Variants in AOPEP observed in about 807,000 individuals in gnomAD.
The protein encoded by AOPEP is aminopeptidase O.
AOPEP carries 77 observed loss-of-function variants against 98.1 expected under a neutral mutation model. The observed-to-expected ratio is 0.78, with a 90% CI of 0.65 to 0.95. AOPEP has a LOEUF of 0.95. Ranked by LOEUF, AOPEP falls within the 40% of genes least tolerant of loss-of-function variation. The pLI is 0.00. For synonymous variants in AOPEP, 346 were observed against 365.3 expected (o/e 0.95, Z 0.60); for missense variants, 1,024 against 1,024.7 (o/e 1.00, Z 0.01).
chr9:94,818,611 A>G (rs544147962), intron 5 of AOPEP, among the ~76,000 whole-genome samples: 4 of 152,340 alleles, frequency 2.6e-5, no homozygotes, highest in East Asian at 1.9e-4. Context: ...TCCCCCCAAA[A>G]AGAAGGGTAA....
intron 13 of AOPEP, among the ~76,000 whole-genome samples, chr9:95,007,728 C>T (rs1306978790): frequency 1.3e-5 from 2 of 152,128 alleles, no homozygotes; most frequent in Non-Finnish European, 2.9e-5. Flanking sequence ...CTTCCAAGCC[C>T]TTTTGCTCAC....
intron 5 of AOPEP, among the ~76,000 whole-genome samples, chr9:94,834,500 T>G (rs2041304410): frequency 1.3e-5 from 2 of 152,012 alleles, no homozygotes; most frequent in Non-Finnish European, 2.9e-5. Context: ...TAAAAAAGAG[T>G]CTTTGTTTAA....
intron 5 of AOPEP, among the ~76,000 whole-genome samples, chr9:94,834,338 C>T (rs573425872): frequency 1.3e-5 from 2 of 152,272 alleles, no homozygotes; most frequent in African/African-American, 4.8e-5. Flanking sequence ...CCAATTACAG[C>T]GTGTGGGCCT....
intron 7 of AOPEP, among the ~76,000 whole-genome samples, chr9:94,937,116 G>A (rs2056385599): frequency 6.6e-6 from 1 of 152,186 alleles, no homozygotes; most frequent in Non-Finnish European, 1.5e-5. Context: ...CCGGAGATTG[G>A]GGGGCGGGGC....
At chr9:95,085,854 G>A (rs1587985294) in intron 16 of AOPEP, 10 of 1,150,760 alleles carry the variant, frequency 8.7e-6, no homozygotes, top group East Asian at 6.0e-5. Context: ...GCTCATGGCT[G>A]TGAGCGGGGC....
At chr9:94,764,900 G>A (rs989247293) in intron 2 of AOPEP, among the ~76,000 whole-genome samples, 1 of 151,982 alleles carries the variant, frequency 6.6e-6, no homozygotes, top group Admixed American at 6.6e-5. Context: ...ATAAGACAGG[G>A]TCTCACTCTG....
At chr9:94,973,903 G>A (rs951856546) in intron 10 of AOPEP, among the ~76,000 whole-genome samples, 6 of 152,168 alleles carry the variant, frequency 3.9e-5, no homozygotes, top group African/African-American at 9.7e-5. Flanking sequence ...AAAATTCACC[G>A]TTGGCTTGGA....
intron 13 of AOPEP, among the ~76,000 whole-genome samples, chr9:95,017,866 A>G (rs1316833847): frequency 6.6e-6 from 1 of 152,206 alleles, no homozygotes; most frequent in Non-Finnish European, 1.5e-5. Flanking sequence ...TACCTTTTCT[A>G]GAAATTTCAT....
intron 3 of AOPEP, among the ~76,000 whole-genome samples, chr9:94,783,523 T>A (rs545120419): frequency 2.6e-5 from 4 of 152,222 alleles, no homozygotes; most frequent in Admixed American, 1.3e-4. Context: ...TGGCACTCAC[T>A]TAGAAAACTG....
chr9:94,803,625 A>T (rs1344832092), intron 5 of AOPEP, among the ~76,000 whole-genome samples: 1 of 152,236 alleles, frequency 6.6e-6, no homozygotes, highest in African/African-American at 2.4e-5. Context: ...TAAATAATAC[A>T]CAAATAATAT....
intron 2 of AOPEP, chr9:94,763,343 G>A (rs1167168071): frequency 4.2e-6 from 1 of 236,382 alleles, no homozygotes; most frequent in African/African-American, 2.3e-5. Context: ...TTTCTTTTAA[G>A]TTCCATTAGT....
intron 9 of AOPEP, among the ~76,000 whole-genome samples, chr9:94,957,576 A>G (rs573717801): frequency 1.0e-3 from 159 of 152,246 alleles, no homozygotes; most frequent in Non-Finnish European, 1.8e-3. Context: ...TTCACATACC[A>G]TAAAGTTAAC....
At chr9:94,866,387 C>T (rs1016168737) in intron 5 of AOPEP, among the ~76,000 whole-genome samples, 8 of 152,182 alleles carry the variant, frequency 5.3e-5, no homozygotes, top group Admixed American at 5.2e-4. Context: ...AACTCTCATG[C>T]ACAAAGGAAA....
At chr9:94,853,743 A>T (rs1263468942) in intron 5 of AOPEP, among the ~76,000 whole-genome samples, 1 of 152,248 alleles carries the variant, frequency 6.6e-6, no homozygotes, top group African/African-American at 2.4e-5. Flanking sequence ...TACAAGTCGC[A>T]CTACTATTGG....
chr9:95,146,487 C>CA, the AOPEP span, among the ~76,000 whole-genome samples: 967 of 45,500 alleles, frequency 0.021, 119 homozygotes, highest in African/African-American at 0.079. Flanking sequence ...GACCCCATCT[C>CA]AAAAAAAAAA....
At chr9:94,903,087 TCTC>T (rs1177007256) in intron 5 of AOPEP, among the ~76,000 whole-genome samples, 2 of 151,364 alleles carry the variant, frequency 1.3e-5, no homozygotes, top group Non-Finnish European at 2.9e-5. Flanking sequence ...TTCAAGCACT[TCTC>T]CTGCCTCAGC....
chr9:95,029,190 A>G (rs1365707359), intron 13 of AOPEP, among the ~76,000 whole-genome samples: 4 of 152,176 alleles, frequency 2.6e-5, no homozygotes, highest in Non-Finnish European at 5.9e-5. Context: ...TCTTGGGGAA[A>G]CTGGGGGTGC....
chr9:94,893,786 A>G (rs1029325697), intron 5 of AOPEP, among the ~76,000 whole-genome samples: 1 of 152,210 alleles, frequency 6.6e-6, no homozygotes, highest in Admixed American at 6.5e-5. Context: ...GAAACCAATA[A>G]TACAGAAATA....
rs886692910 is a variant in AOPEP, at chr9:94,930,641, A to G, written c.1661+2110A>G. Among the ~76,000 whole-genome samples the G allele has an allele frequency of 2.0e-5, 3 of 152,044 alleles. No individual in the cohort carries two copies. Among genetic ancestry groups the G allele is most frequent in the African/African-American group, 7.2e-5 (3 of 41,392 alleles). On this transcript the variant is annotated intron_variant, in intron 7 of 16. Transcript: ENST00000375315. This position sits in a 1 kb window ranked among gnomAD's most constrained non-coding sequence, Gnocchi z 4.5. Reference sequence around the variant, plus strand: ...AGAGAAAACCAGGGCACTAGGGGCCATGGAAGCCAGAAAAGAAGCTGAGGC... The same window carrying G: ...AGAGAAAACCAGGGCACTAGGGGCCGTGGAAGCCAGAAAAGAAGCTGAGGC...
Sources: gnomAD v4.1 joint callset for allele counts (sites outside exome capture counted in the v4.1 genomes callset) on GRCh38, gnomAD v4.1.1 for gene constraint, Gnocchi (gnomAD v3.1) non-coding constraint, MANE v1.5 for transcripts, NCBI Gene and HGNC (gene_info 2026-07-23, HGNC 2026-07-21) for gene names.